GOLGB1: variants seen among roughly 807,000 people sequenced by gnomAD.
The protein encoded by GOLGB1 is golgin subfamily B member 1.
In GOLGB1, 174 loss-of-function variants were observed where a neutral mutation model predicts 336.9. The observed-to-expected ratio is 0.52, with a 90% confidence interval of 0.46 to 0.59. GOLGB1 has a LOEUF of 0.59. Ranked by LOEUF, GOLGB1 falls within the 20% of genes least tolerant of loss-of-function variation. The probability of loss-of-function intolerance (pLI) is 0.00; values close to 1 mark genes in which losing one functional copy is unlikely to be tolerated. For missense variants in GOLGB1, 3,331 were observed against 3,645.3 expected, an observed-to-expected ratio of 0.91 and a Z score of 2.22; for synonymous variants, 1,208 against 1,289.2, an observed-to-expected ratio of 0.94 and a Z score of 1.35.
chr3:121,719,884 T>C (rs1016212850), intron 6 of GOLGB1, 116 bp from the exon 7 acceptor site: 2 of 846,202 alleles, frequency 2.4e-6, no homozygotes, highest in African/African-American at 3.5e-5. Context: ...CTTTTTAAAG[T>C]GAAATTTTGA....
Position 121,698,586 on chromosome 3 carries a change from C to T in GOLGB1, c.1937G>A (p.Ser646Asn). The T allele has an allele frequency of 1.2e-6, 2 of 1,613,784 alleles. No individual in the cohort carries two copies. The highest frequency in any genetic ancestry group is 1.7e-6 in the Non-Finnish European group (2 of 1,179,820). ...AGATGTTCTACTTTGATGTTCAGTGCTCGCCTGTTCTTTTTCAACTGCTGG... is the reference window on the plus strand; with the variant it reads ...AGATGTTCTACTTTGATGTTCAGTGTTCGCCTGTTCTTTTTCAACTGCTGG... ...SLPAVEKEQA[S>N]TEHQSRTSEE... The change falls in exon 13 of 22, where the codon AGC (serine) becomes AAC (asparagine). Residue 646 changes from serine (S) to asparagine (N), a missense_variant. Physicochemically the swap from Ser to Asn is conservative, Grantham distance 46. Coordinates refer to ENST00000614479, the MANE Select transcript of GOLGB1 (RefSeq NM_001366282.2).
chr3:121,697,462 ATTC>A lies in GOLGB1; in HGVS notation c.3058_3060del (p.Glu1020del), dbSNP rs1560239974. The A allele has an allele frequency of 6.2e-7, 1 of 1,611,346 alleles. No individual in the cohort carries two copies. The highest frequency in any genetic ancestry group is 1.1e-5 in the South Asian group (1 of 90,352). ...TTAGATTCATCTTTCAAGTTGGCTA[ATTC>A]TTCTTCCAATCTACTGACTCTTTGC... On this transcript the variant is annotated inframe_deletion, in exon 13 of 22. Coordinates refer to ENST00000614479, the MANE Select transcript of GOLGB1 (RefSeq NM_001366282.2).
At chr3:121,710,023 A>G (rs1944207969) in intron 10 of GOLGB1, among the ~76,000 whole-genome samples, 1 of 151,612 alleles carries the variant, frequency 6.6e-6, no homozygotes, top group Non-Finnish European at 1.5e-5. Flanking sequence ...AAAATAGAAC[A>G]TTAGAACATC....
In GOLGB1 at chr3:121,729,818, C is replaced by G. The variant is rs574161476; in HGVS notation, c.249+47G>C. 55 of 1,408,142 alleles carry G rather than the reference C, an allele frequency of 3.9e-5. No homozygotes were observed. In the South Asian group the frequency reaches 6.4e-4, roughly 16 times the overall value. 87.2% of individuals were successfully genotyped at this position (1,408,142 alleles called of 1,614,324 possible). A position where few individuals can be genotyped will look rare whatever the true frequency, so the allele number is the denominator to read the frequency against. ...AAAATTAAAGTGAGTAGTGTATCAT[C>G]TGTCCTTTATCAAATGCTCCACAAG... On this transcript the variant is annotated intron_variant, in intron 3 of 21. Transcript: ENST00000614479.
intron 20 of GOLGB1, among the ~76,000 whole-genome samples, chr3:121,666,048 T>G (rs1938567828): frequency 6.6e-6 from 1 of 152,218 alleles, no homozygotes; most frequent in South Asian, 2.1e-4. Flanking sequence ...TGGAACAGCA[T>G]GGTCTGTTAC....
chr3:121,745,723 C>T (rs911253129), intron 1 of GOLGB1, among the ~76,000 whole-genome samples: 1 of 152,142 alleles, frequency 6.6e-6, no homozygotes, highest in African/African-American at 2.4e-5. Context: ...GAATAAAACA[C>T]AGAGCTTCAT....
In GOLGB1 at chr3:121,729,203, C is replaced by T. The variant is rs370164549; in HGVS notation, c.387G>A (p.Glu129=). The change falls in exon 4 of 22, where the codon GAG becomes GAA. Residue 129 remains glutamate (E), a synonymous_variant. Transcript: ENST00000614479. ...GTVLPTEPQS[E]EQLSKHDKSS... ...GTCACCATACCTTGGAAAGTTGCTC[C>T]TCTGACTGAGGTTCTGTAGGCAGAA... The T allele has an allele frequency of 6.2e-7, 1 of 1,606,950 alleles. No individual in the cohort carries two copies. The highest frequency in any genetic ancestry group is 1.7e-4 in the Middle Eastern group (1 of 6,032).
At position 121,664,547 on chromosome 3, in the gene GOLGB1, A is replaced by T. The variant is rs1938316361; in HGVS notation, c.9728T>A (p.Leu3243His). The T allele has an allele frequency of 1.2e-6, 2 of 1,613,450 alleles. No individual in the cohort carries two copies. Among genetic ancestry groups the T allele is most frequent in the Non-Finnish European group, 1.7e-6 (2 of 1,179,436 alleles). ...SLCHSRTRVPLLAAIYFLMIH... is the reference protein window; with the variant it reads ...SLCHSRTRVPHLAAIYFLMIH... Reference sequence around the variant, plus strand: ...CATTAGAAAGTAGATGGCTGCTAGAAGTGGCACTCGGGTCCGTGAATGACA... The same window carrying T: ...CATTAGAAAGTAGATGGCTGCTAGATGTGGCACTCGGGTCCGTGAATGACA... Residue 3243 changes from leucine (L) to histidine (H), a missense_variant, in exon 22 of 22, where the codon CTT becomes CAT. Coordinates refer to ENST00000614479, the MANE Select transcript of GOLGB1 (RefSeq NM_001366282.2).
chr3:121,744,740 A>T (rs2108431372), intron 1 of GOLGB1, among the ~76,000 whole-genome samples: 1 of 152,280 alleles, frequency 6.6e-6, no homozygotes, highest in East Asian at 1.9e-4. Flanking sequence ...GAAAGGAAAG[A>T]CTAATATTTA....
intron 12 of GOLGB1, 69 bp from the exon 13 acceptor site, chr3:121,698,998 A>T: frequency 8.4e-7 from 1 of 1,191,592 alleles, no homozygotes; most frequent in Non-Finnish European, 1.2e-6. Context: ...AGCCCAACTA[A>T]AAACTTGTAT....
At position 121,694,982 on chromosome 3, in the gene GOLGB1, A is replaced by G. The variant is rs1285325246; in HGVS notation, c.5541T>C (p.Ile1847=). ...HDEINNYLQQ[I]DQLKERIAGL... ...CAGCAATTCTTTCTTTGAGCTGATC[A>G]ATCTGCTGTAGGTAGTTATTAATTT... The change falls in exon 13 of 22, where the codon ATT becomes ATC. Residue 1847 remains isoleucine, a synonymous_variant. Transcript: ENST00000614479. 2 of 1,613,878 alleles carry G rather than the reference A, an allele frequency of 1.2e-6. No homozygotes were observed. The highest frequency in any genetic ancestry group is 1.3e-5 in the African/African-American group (1 of 74,902).
Position 121,667,493 on chromosome 3 carries a change from G to T in GOLGB1, c.9537C>A (p.Ala3179=). 6.2e-7 allele frequency: 1 copy of T among 1,613,816 alleles called. No homozygotes were observed. The highest frequency in any genetic ancestry group is 8.5e-7 in the Non-Finnish European group (1 of 1,179,834). ...RVAAENALSV[A]EEQIRRLEHS... is the part of the protein sequence containing the mutation. The stretch of plus-strand genomic sequence containing the variant: ...GCCTTTACCGTCTGATCTGCTCCTC[G>T]GCCACAGAGAGAGCATTCTCAGCAG... The change falls in exon 20 of 22, where the codon GCC becomes GCA. Residue 3179 remains alanine (A), a synonymous_variant. Transcript: ENST00000614479.
intron 17 of GOLGB1, among the ~76,000 whole-genome samples, chr3:121,669,564 GTTTT>G (rs1216208302): frequency 6.6e-6 from 1 of 152,112 alleles, no homozygotes; most frequent in Non-Finnish European, 1.5e-5. Context: ...TAGCAGAAAG[GTTTT>G]TTTGTTTTGT....
intron 1 of GOLGB1, among the ~76,000 whole-genome samples, chr3:121,743,369 AAATC>A (rs2108416202): frequency 1.3e-5 from 2 of 152,338 alleles, no homozygotes; most frequent in Non-Finnish European, 2.9e-5. Context: ...ACAAGGACAG[AAATC>A]AAACACCGCA....
At position 121,722,307 on chromosome 3, in the gene GOLGB1, A is replaced by C; in HGVS notation, c.603T>G (p.Thr201=). 1 of 1,613,060 alleles carries C rather than the reference A, an allele frequency of 6.2e-7. No individual in the cohort carries two copies. The highest frequency in any genetic ancestry group is 8.5e-7 in the Non-Finnish European group (1 of 1,179,086). The change falls in exon 6 of 22, where the codon ACT becomes ACG. Residue 201 remains threonine, a synonymous_variant. Transcript: ENST00000614479. ...QLQEKEEFIS[T]LQAQLSQTQA... is the part of the protein sequence containing the mutation. ...GTGTCTGGCTGAGCTGGGCTTGTAA[A>C]GTGCTAATGAATTCTTCCTTCTCCT...
intron 10 of GOLGB1, among the ~76,000 whole-genome samples, chr3:121,714,492 G>A (rs545229290): frequency 2.4e-4 from 37 of 151,334 alleles, no homozygotes; most frequent in African/African-American, 7.8e-4. Flanking sequence ...AGACTGACTC[G>A]TGTTCACTAA....
chr3:121,664,185 C>A lies in GOLGB1; in HGVS notation c.*295G>T, dbSNP rs1938265889. The A allele has an allele frequency of 2.8e-6, 1 of 358,292 alleles. No individual in the cohort carries two copies. Among genetic ancestry groups the A allele is most frequent in the African/African-American group, 2.0e-5 (1 of 49,868 alleles). 22.2% of individuals were successfully genotyped at this position (358,292 alleles called of 1,614,324 possible). On this transcript the variant is annotated 3_prime_UTR_variant, in exon 22 of 22. Transcript: ENST00000614479. The stretch of plus-strand genomic sequence containing the variant: ...TTCCTCAGTATCTTTTACAGGACCA[C>A]AAAAGATCAGGGTCCTGCAAAATCT...
chr3:121,692,982 T>C (rs1256055988), intron 13 of GOLGB1, among the ~76,000 whole-genome samples: 2 of 152,140 alleles, frequency 1.3e-5, no homozygotes, highest in East Asian at 1.9e-4. Flanking sequence ...AAGGGTCCTA[T>C]TGGAAGTAAG....
intron 14 of GOLGB1, 138 bp from the exon 15 acceptor site, chr3:121,682,003 T>C: frequency 3.1e-6 from 2 of 638,790 alleles, no homozygotes; most frequent in Non-Finnish European, 5.5e-6. Flanking sequence ...GACATATCAC[T>C]GCAACATAAG....
Sources: gnomAD v4.1 joint callset for allele counts (sites outside exome capture counted in the v4.1 genomes callset) on GRCh38, gnomAD v4.1.1 for gene constraint, MANE v1.5 for transcripts, NCBI Gene and HGNC (gene_info 2026-07-23, HGNC 2026-07-21) for gene names.